The following SLC44A2 variants were observed in gnomAD, a reference collection of about 807,000 sequenced individuals.
The protein encoded by SLC44A2 is choline transporter-like protein 2.
SLC44A2 carries 57 observed loss-of-function variants against 90.8 expected under a neutral mutation model. The ratio of observed to expected loss-of-function variants is 0.63; its 90% CI spans 0.51 to 0.78. The LOEUF (loss-of-function observed/expected upper bound fraction) is 0.78, where lower values mean the gene tolerates loss of function less well. SLC44A2 is among the 30% of genes least tolerant of loss of function. The probability of loss-of-function intolerance (pLI) is 0.00; values close to 1 mark genes in which losing one functional copy is unlikely to be tolerated. For missense variants in SLC44A2, 794 were observed against 919.7 expected (o/e 0.86, Z 1.77); for synonymous variants, 355 against 360.7 (o/e 0.98, Z 0.18).
At position 10,631,881 on chromosome 19, in the gene SLC44A2, G is replaced by A; in HGVS notation, c.640G>A (p.Val214Ile). Reference sequence around the variant, plus strand: ...TCCTTCCCCCAGGAAAGCCAATGGAGTCCTAGAGGCGCGGCAACTCGCCAT... The same window carrying A: ...TCCTTCCCCCAGGAAAGCCAATGGAATCCTAGAGGCGCGGCAACTCGCCAT... ...LVEGAKKANG[V>I]LEARQLAMRI... The change falls in exon 9 of 22, where the codon GTC becomes ATC. Residue 214 changes from valine to isoleucine, a missense_variant. Val to Ile is a conservative substitution (Grantham distance 29). This residue lies in a region of SLC44A2 where 738 missense variants were observed against 841.1 expected (regional missense o/e 0.88). Coordinates refer to ENST00000335757, the MANE Select transcript of SLC44A2 (RefSeq NM_020428.4). 1.9e-6 allele frequency: 3 copies of A among 1,614,244 alleles called. No individual in the cohort carries two copies. The highest frequency in any genetic ancestry group is 2.5e-6 in the Non-Finnish European group (3 of 1,180,048).
At chr19:10,635,773 C>T in intron 14 of SLC44A2, 7 of 205,874 alleles carry the variant, frequency 3.4e-5, no homozygotes, top group East Asian at 2.9e-4. Flanking sequence ...TCCCTACTTC[C>T]TTTTTTTTTT....
chr19:10,642,185 GAA>G (rs1199258398), intron 20 of SLC44A2, among the ~76,000 whole-genome samples, 180 bp from the exon 21 acceptor site: 1 of 151,650 alleles, frequency 6.6e-6, no homozygotes, highest in Non-Finnish European at 1.5e-5. Flanking sequence ...CGGAGAGAGA[GAA>G]AGAGGATTTT....
intron 20 of SLC44A2, among the ~76,000 whole-genome samples, chr19:10,638,770 G>T (rs1419640015): frequency 6.6e-6 from 1 of 151,616 alleles, no homozygotes; most frequent in East Asian, 1.9e-4. Flanking sequence ...GTGTAGCTGG[G>T]ATTACAGGCA....
upstream of SLC44A2, among the ~76,000 whole-genome samples, chr19:10,622,983 T>A (rs1347346530): frequency 6.6e-6 from 1 of 152,160 alleles, no homozygotes; most frequent in Non-Finnish European, 1.5e-5. Flanking sequence ...CACATAGGTG[T>A]GCAGCTCAGA....
upstream of SLC44A2, among the ~76,000 whole-genome samples, chr19:10,622,721 C>A (rs563060002): frequency 6.6e-6 from 1 of 151,798 alleles, no homozygotes; most frequent in African/African-American, 2.4e-5. Context: ...GGCAACATTG[C>A]GAGACCCTGT....
rs1282220178 is a variant in SLC44A2, at chr19:10,643,871, A to G, written c.*486A>G. 6.5e-6 allele frequency: 1 copy of G among 153,148 alleles called. No homozygotes were observed. Among genetic ancestry groups the G allele is most frequent in the Non-Finnish European group, 1.5e-5 (1 of 68,520 alleles). 9.5% of individuals were successfully genotyped at this position (153,148 alleles called of 1,614,324 possible). ...CCAGAAGCATTTCTTTATTATTATT[A>G]TTTTTTAACCTGGACATGCATTAAA... On this transcript the variant is annotated 3_prime_UTR_variant, in exon 22 of 22. Transcript: ENST00000335757.
Position 10,631,908 on chromosome 19 carries a change from C to A in SLC44A2, c.667C>A (p.Arg223Ser). The change falls in exon 9 of 22, where the codon CGC becomes AGC. Residue 223 changes from arginine to serine, a missense_variant. Physicochemically the swap from Arg to Ser is moderately radical, Grantham distance 110. Coordinates refer to ENST00000335757, the MANE Select transcript of SLC44A2 (RefSeq NM_020428.4). ...CCTAGAGGCGCGGCAACTCGCCATG[C>A]GCATATTTGAAGATTACACCGTCTC... The part of the protein sequence containing the change: ...GVLEARQLAM[R>S]IFEDYTVSWY... The A allele has an allele frequency of 6.2e-7, 1 of 1,614,228 alleles. No homozygotes were observed. Among genetic ancestry groups the A allele is most frequent in the Non-Finnish European group, 8.5e-7 (1 of 1,180,044 alleles).
At position 10,642,820 on chromosome 19, in the gene SLC44A2, G is replaced by A. The variant is rs114916976; in HGVS notation, c.2014+369G>A. 2,574 of 1,481,522 alleles carry A rather than the reference G, an allele frequency of 1.7e-3. 46 individuals are homozygous for A. The African/African-American group carries it at 0.033, about 19-fold the overall frequency. 91.8% of individuals were successfully genotyped at this position (1,481,522 alleles called of 1,614,324 possible). On this transcript the variant is annotated intron_variant, in intron 21 of 21. Transcript: ENST00000335757. ...CTCCTCCATGCCTGCTGGCTTCCCT[G>A]TTCTTCCCTGCCTCCCTCTTTCCCT...
At chr19:10,623,692 A>ATT (rs542331677), upstream of SLC44A2, among the ~76,000 whole-genome samples, 921 of 140,788 alleles carry the variant, frequency 6.5e-3, 7 homozygotes, top group African/African-American at 0.022. Context: ...ATTGTATTGT[A>ATT]TTTTTTTTTT....
Position 10,625,581 on chromosome 19 carries a change from G to A in SLC44A2, c.-53G>A, listed in dbSNP as rs1481962840. The stretch of plus-strand genomic sequence containing the variant: ...GCCTCCCTCCAGACTCGGGAGGGTC[G>A]AGGGGGCGCGGGAGAGAGCGCGGGC... On this transcript the variant is annotated 5_prime_UTR_variant, in exon 1 of 22. Coordinates refer to ENST00000335757, the MANE Select transcript of SLC44A2 (RefSeq NM_020428.4). 2 of 1,237,054 alleles carry A rather than the reference G, an allele frequency of 1.6e-6. No homozygotes were observed. Among genetic ancestry groups the A allele is most frequent in the African/African-American group, 3.1e-5 (2 of 64,464 alleles). 76.6% of individuals were successfully genotyped at this position (1,237,054 alleles called of 1,614,324 possible). A position where few individuals can be genotyped will look rare whatever the true frequency, so the allele number is the denominator to read the frequency against.
intron 1 of SLC44A2, among the ~76,000 whole-genome samples, chr19:10,617,956 T>C (rs1019982031): frequency 2.0e-5 from 3 of 152,154 alleles, no homozygotes; most frequent in African/African-American, 7.2e-5. Context: ...TGCTTTCCCT[T>C]CATACTTGTA....
chr19:10,641,272 T>C (rs566184007), intron 20 of SLC44A2: 2 of 372,416 alleles, frequency 5.4e-6, no homozygotes, highest in Non-Finnish European at 1.0e-5. Flanking sequence ...AACATGCCTG[T>C]AGTCCCAGCT....
intron 1 of SLC44A2, among the ~76,000 whole-genome samples, chr19:10,617,277 G>T (rs903972938): frequency 3.9e-5 from 6 of 152,074 alleles, no homozygotes; most frequent in Admixed American, 2.6e-4. Context: ...TTCCCATCCT[G>T]CGGGGTTTAG....
intron 10 of SLC44A2, among the ~76,000 whole-genome samples, chr19:10,632,864 G>A (rs1412227951): frequency 6.6e-6 from 1 of 151,818 alleles, no homozygotes; most frequent in Non-Finnish European, 1.5e-5. Flanking sequence ...TAGAGATGGG[G>A]TTTCTCCATG....
At chr19:10,622,347 G>C (rs1318039785), upstream of SLC44A2, among the ~76,000 whole-genome samples, 2 of 152,106 alleles carry the variant, frequency 1.3e-5, no homozygotes, top group African/African-American at 4.8e-5. Context: ...GGGAACCATG[G>C]AGGTTTCTGA....
At chr19:10,621,329 G>A (rs1483926343), upstream of SLC44A2, among the ~76,000 whole-genome samples, 1 of 151,240 alleles carries the variant, frequency 6.6e-6, no homozygotes, top group East Asian at 1.9e-4. Flanking sequence ...TCCAGCCTGG[G>A]CGACAGAGCG....
chr19:10,621,065 G>C (rs1369284149), upstream of SLC44A2, among the ~76,000 whole-genome samples: 2 of 152,056 alleles, frequency 1.3e-5, no homozygotes, highest in African/African-American at 4.8e-5. Flanking sequence ...GAAAGTCATA[G>C]GGGTCAGGTA....
chr19:10,605,648 C>T (rs1918080162), intron 1 of SLC44A2, among the ~76,000 whole-genome samples: 1 of 151,840 alleles, frequency 6.6e-6, no homozygotes, highest in Admixed American at 6.6e-5. Context: ...GGTGGCGCCA[C>T]TGCACTCCAG....
intron 1 of SLC44A2, among the ~76,000 whole-genome samples, chr19:10,618,940 T>C (rs2066877396): frequency 1.3e-5 from 2 of 151,046 alleles, no homozygotes; most frequent in African/African-American, 4.9e-5. Flanking sequence ...AAATTCTACA[T>C]GTATCATGTA....
Sources: allele counts gnomAD v4.1 joint callset (sites outside exome capture counted in the v4.1 genomes callset), GRCh38; gene constraint gnomAD v4.1.1; regional missense constraint gnomAD v4.1.1; transcripts MANE v1.5; gene names NCBI Gene and HGNC (gene_info 2026-07-23, HGNC 2026-07-21).